Variants in KALRN observed in about 807,000 individuals in gnomAD.
KALRN encodes kalirin.
KALRN carries 70 observed loss-of-function variants against 353.7 expected under a neutral mutation model. The observed-to-expected ratio is 0.20, with a 90% confidence interval of 0.16 to 0.24. The LOEUF (loss-of-function observed/expected upper bound fraction) is 0.24. Among genes scored for constraint, KALRN ranks in the 10% least tolerant of loss-of-function variants. KALRN has a pLI of 1.00. For synonymous variants in KALRN, 1,391 were observed against 1,434.8 expected, an observed-to-expected ratio of 0.97 and a Z score of 0.69; for missense variants, 2,791 against 3,756.7, an observed-to-expected ratio of 0.74 and a Z score of 6.72.
chr3:124,366,815 T>C lies in KALRN; in HGVS notation c.1771-18030T>C, dbSNP rs1330034610. Among the ~76,000 whole-genome samples, 365 of 116,244 alleles carry C rather than the reference T, an allele frequency of 3.1e-3. 1 individual carries two copies. The highest frequency in any genetic ancestry group is 0.01 in the Middle Eastern group (2 of 192). The allele number at this position is 116,244 out of a possible 152,430, so 76.3% of individuals were successfully genotyped here. ...GGCGCCCCTCACCTCCCGGACGGGG[T>C]GGCTGGCTGGGCGGGGGTCTGACCC... On this transcript the variant is annotated intron_variant, in intron 10 of 59. Coordinates refer to ENST00000682506, the MANE Select transcript of KALRN (RefSeq NM_001388419.1).
Position 124,325,708 on chromosome 3 carries a change from A to G in KALRN, c.1093-272A>G, listed in dbSNP as rs73858418. Among the ~76,000 whole-genome samples, 937 of 152,322 alleles carry G rather than the reference A, an allele frequency of 6.2e-3. 15 individuals are homozygous for G. The highest frequency in any genetic ancestry group is 0.022 in the African/African-American group (897 of 41,568). On this transcript the variant is annotated intron_variant, in intron 6 of 59. Transcript: ENST00000682506. ...GATGGTTGTGAAGATTACATAAAGT[A>G]GTCCATGTAAAGTGACTGCATTAAA... is the stretch of plus-strand genomic sequence containing the variant.
intron 1 of KALRN, among the ~76,000 whole-genome samples, chr3:124,079,821 C>G (rs139711709): frequency 2.6e-5 from 4 of 152,098 alleles, no homozygotes. Context: ...AGAAAAGTCA[C>G]TTGTATTTAT....
chr3:124,234,717 G>A (rs1473098569), intron 2 of KALRN, 112 bp from the exon 3 acceptor site: 6 of 777,578 alleles, frequency 7.7e-6, no homozygotes, highest in Non-Finnish European at 1.3e-5. Context: ...AGATTTCTCT[G>A]GATACCCTAT....
intron 33 of KALRN, among the ~76,000 whole-genome samples, chr3:124,542,681 A>G (rs2069162667): frequency 6.6e-6 from 1 of 152,138 alleles, no homozygotes; most frequent in South Asian, 2.1e-4. Context: ...TAGCATTGGC[A>G]TTCCTTTGAG....
intron 1 of KALRN, among the ~76,000 whole-genome samples, chr3:124,181,997 ACT>A (rs1004225653): frequency 2.6e-5 from 4 of 152,170 alleles, no homozygotes; most frequent in African/African-American, 9.6e-5. Context: ...CTTTATAGTG[ACT>A]CTATTCTTTT....
chr3:124,357,993 A>G (rs894731246), intron 10 of KALRN, among the ~76,000 whole-genome samples: 1 of 152,180 alleles, frequency 6.6e-6, no homozygotes, highest in Admixed American at 6.5e-5. Flanking sequence ...ATGAATATTT[A>G]TAAGAACACA....
At chr3:124,399,358 G>A (rs766660275) in intron 13 of KALRN, among the ~76,000 whole-genome samples, 3 of 152,056 alleles carry the variant, frequency 2.0e-5, no homozygotes, top group South Asian at 2.1e-4. Flanking sequence ...GGCTGGTCTC[G>A]AACTCCTGAC....
chr3:124,718,769 C>G (rs2063284688), intron 59 of KALRN, among the ~76,000 whole-genome samples, 156 bp from the exon 60 acceptor site: 1 of 152,196 alleles, frequency 6.6e-6, no homozygotes, highest in Non-Finnish European at 1.5e-5. Flanking sequence ...TTGAAGTATC[C>G]TATGCAGTTT....
At chr3:124,506,260 G>T (rs2065213068) in intron 33 of KALRN, among the ~76,000 whole-genome samples, 1 of 152,132 alleles carries the variant, frequency 6.6e-6, no homozygotes, top group Non-Finnish European at 1.5e-5. Flanking sequence ...GACCAGGACA[G>T]ATGTCCACTC....
chr3:124,380,811 G>A (rs187498740), intron 10 of KALRN, among the ~76,000 whole-genome samples: 36 of 152,344 alleles, frequency 2.4e-4, no homozygotes, highest in African/African-American at 7.9e-4. Flanking sequence ...TTTCAAGGCT[G>A]TGCCAGGAGG....
intron 47 of KALRN, among the ~76,000 whole-genome samples, chr3:124,669,062 A>T (rs929940044): frequency 2.0e-5 from 3 of 152,230 alleles, no homozygotes; most frequent in African/African-American, 7.2e-5. Context: ...AGCATTTTAC[A>T]TGGTTTTTCA....
chr3:124,698,057 C>G (rs2062138333), intron 55 of KALRN, among the ~76,000 whole-genome samples: 1 of 152,152 alleles, frequency 6.6e-6, no homozygotes, highest in South Asian at 2.1e-4. Context: ...GCAGCCTCCA[C>G]CTCCTGGGCT....
chr3:124,205,255 C>T (rs66936733), intron 1 of KALRN, among the ~76,000 whole-genome samples: 20,805 of 152,224 alleles, frequency 0.14, 1,755 homozygotes, highest in Middle Eastern at 0.22. Context: ...TGTTTAACAA[C>T]GAGCTGGCAA....
chr3:124,090,113 G>A (rs1325724495), intron 1 of KALRN, among the ~76,000 whole-genome samples: 1 of 152,092 alleles, frequency 6.6e-6, no homozygotes, highest in Non-Finnish European at 1.5e-5. Flanking sequence ...GTGGGCAGTG[G>A]GGGGTACTGG....
intron 1 of KALRN, among the ~76,000 whole-genome samples, chr3:124,038,649 T>C (rs1199477061): frequency 3.3e-5 from 5 of 152,164 alleles, no homozygotes; most frequent in African/African-American, 1.2e-4. Context: ...GATGTGGAGA[T>C]ATTTTCTACC....
rs1331912924 is a variant in KALRN, at chr3:124,438,980, C to T, written c.3141C>T (p.Ile1047=). ...GRDKLGPAAE[I]DHVIPLISKH... Reference sequence around the variant, plus strand: ...ATAAGCTGGGGCCAGCAGCAGAGATCGACCATGTCATTCCCCTCATCAGCA... The same window carrying T: ...ATAAGCTGGGGCCAGCAGCAGAGATTGACCATGTCATTCCCCTCATCAGCA... The change falls in exon 18 of 60, where the codon ATC becomes ATT. Residue 1047 remains isoleucine, a synonymous_variant. Transcript: ENST00000682506. 1.2e-6 allele frequency: 2 copies of T among 1,613,934 alleles called. No homozygotes were observed. Among genetic ancestry groups the T allele is most frequent in the African/African-American group, 2.7e-5 (2 of 74,886 alleles).
chr3:124,097,062 G>A (rs1332828941), intron 1 of KALRN, among the ~76,000 whole-genome samples: 1 of 152,212 alleles, frequency 6.6e-6, no homozygotes. Flanking sequence ...GTGTTTGGAG[G>A]TTGGGTGTTG....
chr3:124,584,617 C>T, intron 34 of KALRN: 2 of 1,404,218 alleles, frequency 1.4e-6, no homozygotes, highest in Non-Finnish European at 1.8e-6. Flanking sequence ...CCCCTTAGGC[C>T]CTCCCTCCCC....
chr3:124,443,187 C>T (rs1347739322), intron 19 of KALRN, among the ~76,000 whole-genome samples: 1 of 152,114 alleles, frequency 6.6e-6, no homozygotes, highest in African/African-American at 2.4e-5. Flanking sequence ...ATTATCTGAC[C>T]ATGTGAAACT....
Sources: allele counts gnomAD v4.1 joint callset (sites outside exome capture counted in the v4.1 genomes callset), GRCh38; gene constraint gnomAD v4.1.1; transcripts MANE v1.5; gene names NCBI Gene and HGNC (gene_info 2026-07-23, HGNC 2026-07-21).